The following PAK2 variants were observed in gnomAD, a reference collection of about 807,000 sequenced individuals.
PAK2 encodes the protein serine/threonine-protein kinase PAK 2.
In PAK2, 21 loss-of-function variants were observed where a neutral mutation model predicts 65.9. That is an observed-to-expected ratio of 0.32 (90% CI 0.23 to 0.46). The LOEUF is 0.46. Ranked by LOEUF, PAK2 falls within the 20% of genes least tolerant of loss-of-function variation. The probability of loss-of-function intolerance (pLI) is 1.00; values close to 1 mark genes in which losing one functional copy is unlikely to be tolerated. For missense variants in PAK2, 324 were observed against 642.6 expected (o/e 0.50, Z 5.36); for synonymous variants, 204 against 219.7 (o/e 0.93, Z 0.63).
chr3:196,811,248 C>T (rs1560113675), intron 8 of PAK2, among the ~76,000 whole-genome samples: 1 of 52,336 alleles, frequency 1.9e-5, no homozygotes, highest in African/African-American at 7.5e-5. Context: ...CCTTCCCTCC[C>T]TCCCCTCCCT....
chr3:196,803,881 G>A (rs35625554), intron 4 of PAK2, among the ~76,000 whole-genome samples: 27,413 of 152,170 alleles, frequency 0.18, 2,703 homozygotes, highest in East Asian at 0.3. Flanking sequence ...AAGAGTTGGT[G>A]TAGTGGATTT....
At chr3:196,775,105 G>C (rs1714493199) in intron 1 of PAK2, among the ~76,000 whole-genome samples, 1 of 152,178 alleles carries the variant, frequency 6.6e-6, no homozygotes, top group Non-Finnish European at 1.5e-5. Context: ...TATTAGAATT[G>C]TGGCGGCATG....
chr3:196,759,182 C>G (rs1713861311), intron 1 of PAK2, among the ~76,000 whole-genome samples: 1 of 152,060 alleles, frequency 6.6e-6, no homozygotes, highest in South Asian at 2.1e-4. Flanking sequence ...TTTTTGTCAC[C>G]ATTGAAGTAG....
At position 196,828,429 on chromosome 3, in the gene PAK2, C is replaced by T. The variant is rs758620792; in HGVS notation, c.*24C>T. 6 of 1,370,574 alleles carry T rather than the reference C, an allele frequency of 4.4e-6. No homozygotes were observed. The African/African-American group carries it at 8.6e-5, about 20-fold the overall frequency. The allele number at this position is 1,370,574 out of a possible 1,614,324, so 84.9% of individuals were successfully genotyped here. Reference sequence around the variant, plus strand: ...AACATCACTGCTGTGGCCTCATACTCTTTTTTCCATTTTCTACAAGAAGCC... The same window carrying T: ...AACATCACTGCTGTGGCCTCATACTTTTTTTTCCATTTTCTACAAGAAGCC... On this transcript the variant is annotated 3_prime_UTR_variant, in exon 15 of 15. Coordinates refer to ENST00000327134, the MANE Select transcript of PAK2 (RefSeq NM_002577.4).
chr3:196,779,961 G>A (rs1481774910), intron 1 of PAK2, among the ~76,000 whole-genome samples: 4 of 152,228 alleles, frequency 2.6e-5, no homozygotes, highest in East Asian at 1.9e-4. Flanking sequence ...GCGCCCAGCC[G>A]CAATGTTGTT....
intron 2 of PAK2, among the ~76,000 whole-genome samples, chr3:196,788,461 C>G (rs11923075): frequency 0.29 from 43,517 of 152,046 alleles, 7,031 homozygotes; most frequent in African/African-American, 0.43. Context: ...CACCAAAAAA[C>G]TCGAAAATTA....
chr3:196,810,254 T>C (rs115793121), intron 7 of PAK2, among the ~76,000 whole-genome samples: 3 of 152,058 alleles, frequency 2.0e-5, no homozygotes, highest in Non-Finnish European at 4.4e-5. Context: ...TCTGAGAACC[T>C]AATTAATCTC....
chr3:196,784,151 T>C lies in PAK2; in HGVS notation c.187+1318T>C, dbSNP rs147371227. ...GTGTTCAAACTCCATTTCATTCCAG[T>C]TGAATCAGCAATCAGCATCTTTAGG... On this transcript the variant is annotated intron_variant, in intron 2 of 14. Coordinates refer to ENST00000327134, the MANE Select transcript of PAK2 (RefSeq NM_002577.4). 8.6e-3 allele frequency among the ~76,000 whole-genome samples: 1,313 copies of C among 152,272 alleles called. 8 individuals are homozygous for C. The highest frequency in any genetic ancestry group is 0.013 in the Non-Finnish European group (890 of 68,008).
intron 1 of PAK2, among the ~76,000 whole-genome samples, chr3:196,756,413 G>A (rs1343326415): frequency 3.9e-5 from 6 of 152,022 alleles, no homozygotes; most frequent in Non-Finnish European, 5.9e-5. Context: ...TTTCCAGTGC[G>A]TTCCACTGGG....
intron 1 of PAK2, among the ~76,000 whole-genome samples, chr3:196,752,291 T>G (rs907349053): frequency 1.3e-5 from 2 of 152,180 alleles, no homozygotes; most frequent in African/African-American, 4.8e-5. Context: ...GTAAATTGTA[T>G]TTGGTTTGCT....
intron 1 of PAK2, among the ~76,000 whole-genome samples, chr3:196,750,162 A>C (rs1340069201): frequency 6.6e-6 from 1 of 150,616 alleles, no homozygotes; most frequent in Non-Finnish European, 1.5e-5. Context: ...AATTTTTTGT[A>C]TTTTTTTTGT....
At chr3:196,772,710 C>A (rs1714397838) in intron 1 of PAK2, among the ~76,000 whole-genome samples, 1 of 151,142 alleles carries the variant, frequency 6.6e-6, no homozygotes, top group Non-Finnish European at 1.5e-5. Flanking sequence ...GAAATGTTTT[C>A]ATTCATGCTT....
At position 196,820,466 on chromosome 3, in the gene PAK2, C is replaced by T. The variant is rs1560118227; in HGVS notation, c.1249C>T (p.Arg417Trp). ...CTGGATGGCACCAGAGGTGGTTACA[C>T]GGAAAGCTTATGGCCCTAAAGTCGA... ...PYWMAPEVVTRKAYGPKVDIW... is the reference protein window; with the variant it reads ...PYWMAPEVVTWKAYGPKVDIW... Residue 417 changes from arginine to tryptophan, a missense_variant, in exon 13 of 15, where the codon CGG becomes TGG. Physicochemically the swap from Arg to Trp is moderately radical, Grantham distance 101. Coordinates refer to ENST00000327134, the MANE Select transcript of PAK2 (RefSeq NM_002577.4). The surrounding 1 kb of genome is among the most constrained non-coding windows in gnomAD (Gnocchi z 4.6). The T allele has an allele frequency of 1.2e-6, 2 of 1,612,670 alleles. No homozygotes were observed. Among genetic ancestry groups the T allele is most frequent in the Admixed American group, 1.7e-5 (1 of 59,964 alleles).
rs73074612 is a variant in PAK2, at chr3:196,766,610, A to G, written c.-21-16016A>G. Among the ~76,000 whole-genome samples the G allele has an allele frequency of 4.3e-3, 659 of 152,246 alleles. 5 individuals carry two copies. Among genetic ancestry groups the G allele is most frequent in the African/African-American group, 0.015 (620 of 41,546 alleles). On this transcript the variant is annotated intron_variant, in intron 1 of 14. Coordinates refer to ENST00000327134, the MANE Select transcript of PAK2 (RefSeq NM_002577.4). ...ATTGTTCATTCTTCATAAGCTGGTG[A>G]TTTTATATAATTTACGGAGTTCCAA...
chr3:196,785,391 C>G (rs1714853578), intron 2 of PAK2, among the ~76,000 whole-genome samples: 1 of 152,138 alleles, frequency 6.6e-6, no homozygotes, highest in Non-Finnish European at 1.5e-5. Flanking sequence ...CCGTGTGTGA[C>G]TTGACTAGGT....
At chr3:196,795,105 T>C (rs1271037667) in intron 2 of PAK2, among the ~76,000 whole-genome samples, 1 of 152,024 alleles carries the variant, frequency 6.6e-6, no homozygotes, top group Non-Finnish European at 1.5e-5. Context: ...TTTAACAACA[T>C]TTGAGCATAG....
intron 1 of PAK2, among the ~76,000 whole-genome samples, chr3:196,742,915 G>A (rs756175140): frequency 6.6e-6 from 1 of 152,158 alleles, no homozygotes; most frequent in Non-Finnish European, 1.5e-5. Context: ...GCGAGACTCC[G>A]TCTCATTAAA....
intron 2 of PAK2, among the ~76,000 whole-genome samples, chr3:196,783,274 G>A (rs764709688): frequency 2.6e-5 from 4 of 152,050 alleles, no homozygotes; most frequent in Non-Finnish European, 4.4e-5. Context: ...CAGAAGTGTC[G>A]GAGGCAGCCT....
intron 3 of PAK2, among the ~76,000 whole-genome samples, chr3:196,802,712 C>T (rs547612172): frequency 2.6e-4 from 40 of 151,850 alleles, no homozygotes; most frequent in African/African-American, 8.9e-4. Flanking sequence ...GGCGTGGTGG[C>T]GGGCACCTGT....
Sources: gnomAD v4.1 joint callset for allele counts (sites outside exome capture counted in the v4.1 genomes callset) on GRCh38, gnomAD v4.1.1 for gene constraint, Gnocchi (gnomAD v3.1) non-coding constraint, MANE v1.5 for transcripts, NCBI Gene and HGNC (gene_info 2026-07-23, HGNC 2026-07-21) for gene names.